The following PON3 variants were observed in gnomAD, a reference collection of about 807,000 sequenced individuals.
The protein encoded by PON3 is serum paraoxonase/lactonase 3.
Under a neutral mutation model 36.3 loss-of-function variants are expected in PON3, and 37 were observed. The ratio of observed to expected loss-of-function variants is 1.02; its 90% CI spans 0.78 to 1.34. PON3 has a LOEUF of 1.34. Among genes scored for constraint, PON3 ranks in the 40% most tolerant of loss-of-function variants. The pLI is 0.00. For synonymous variants in PON3, 155 were observed against 154.8 expected (o/e 1.00, Z -0.01); for missense variants, 415 against 426.5 (o/e 0.97, Z 0.24).
At chr7:95,361,651 A>T (rs1808571972) in intron 8 of PON3, among the ~76,000 whole-genome samples, 1 of 152,122 alleles carries the variant, frequency 6.6e-6, no homozygotes, top group Admixed American at 6.5e-5. Flanking sequence ...TTTCTGATAT[A>T]TCCTAAACAT....
chr7:95,374,626 A>G (rs768452878), intron 3 of PON3, among the ~76,000 whole-genome samples: 7 of 152,012 alleles, frequency 4.6e-5, no homozygotes, highest in Non-Finnish European at 1.0e-4. Flanking sequence ...AACTGCTCCA[A>G]CTCTCAATTC....
At chr7:95,371,585 T>G (rs1256954758) in intron 4 of PON3, among the ~76,000 whole-genome samples, 3 of 152,208 alleles carry the variant, frequency 2.0e-5, no homozygotes, top group Non-Finnish European at 4.4e-5. Context: ...CAGGCCTTTG[T>G]GTATCTTAGG....
Position 95,396,267 on chromosome 7 carries a change from T to C in PON3, c.74+10A>G, listed in dbSNP as rs1483099192. 2 of 1,613,778 alleles carry C rather than the reference T, an allele frequency of 1.2e-6. No homozygotes were observed. Among genetic ancestry groups the C allele is most frequent in the Non-Finnish European group, 1.7e-6 (2 of 1,179,846 alleles). On this transcript the variant is annotated intron_variant, in intron 1 of 8. Transcript: ENST00000265627. The stretch of plus-strand genomic sequence containing the variant: ...GAGAGTCGAAGACGCCCTGTCAAGA[T>C]GCCACTCACCTAAACGCCAGGAACA...
intron 3 of PON3, among the ~76,000 whole-genome samples, chr7:95,382,724 CA>C (rs1281687527): frequency 2.6e-5 from 4 of 151,990 alleles, no homozygotes; most frequent in Non-Finnish European, 5.9e-5. Context: ...GCTTACCAAC[CA>C]AAAAAAGTCC....
chr7:95,368,814 CAAAAA>C (rs11388951), intron 4 of PON3, among the ~76,000 whole-genome samples: 1 of 133,112 alleles, frequency 7.5e-6, no homozygotes, highest in African/African-American at 2.8e-5. Flanking sequence ...CAAAAACAAA[CAAAAA>C]AAAAAAAAAG....
intron 3 of PON3, among the ~76,000 whole-genome samples, chr7:95,380,546 G>A (rs535421505): frequency 4.4e-4 from 67 of 152,314 alleles, no homozygotes; most frequent in African/African-American, 1.5e-3. Context: ...TGAGAACTAC[G>A]TGATGAATGC....
Position 95,372,203 on chromosome 7 carries a change from G to T in PON3, c.337C>A (p.Pro113Thr), listed in dbSNP as rs148345439. The T allele has an allele frequency of 3.5e-5, 57 of 1,613,688 alleles. No homozygotes were observed. The African/African-American group carries it at 6.7e-4, about 19-fold the overall frequency. ...SGGFDKELFN[P>T]HGISIFIDKD... ...TCGATGAAAATACTGATCCCATGTGGATTAAATAATTCTTTGTCAAATCCA... is the reference window on the plus strand; with the variant it reads ...TCGATGAAAATACTGATCCCATGTGTATTAAATAATTCTTTGTCAAATCCA... The change falls in exon 4 of 9, where the codon CCA becomes ACA. Residue 113 changes from proline to threonine, a missense_variant. Transcript: ENST00000265627.
chr7:95,379,345 AGACAGTGGGTGCAG>A (rs972061068), intron 3 of PON3, among the ~76,000 whole-genome samples: 3 of 152,240 alleles, frequency 2.0e-5, no homozygotes, highest in Non-Finnish European at 2.9e-5. Flanking sequence ...GGGGCTTGTC[AGACAGTGGGTGCAG>A]GACAGTGGGT....
chr7:95,386,406 C>A (rs1428056928), intron 3 of PON3, among the ~76,000 whole-genome samples: 4 of 152,164 alleles, frequency 2.6e-5, no homozygotes, highest in Non-Finnish European at 5.9e-5. Flanking sequence ...TTCCTCGACA[C>A]ATACATCCTC....
At chr7:95,378,230 G>A (rs1027439065) in intron 3 of PON3, among the ~76,000 whole-genome samples, 32 of 152,188 alleles carry the variant, frequency 2.1e-4, no homozygotes, top group African/African-American at 6.8e-4. Context: ...AACGAACAAA[G>A]CCTCCAAGAA....
At chr7:95,378,239 A>G (rs546178520) in intron 3 of PON3, among the ~76,000 whole-genome samples, 1 of 152,326 alleles carries the variant, frequency 6.6e-6, no homozygotes, top group East Asian at 1.9e-4. Flanking sequence ...AGCCTCCAAG[A>G]AATATGGGAC....
chr7:95,383,196 C>T (rs1333228432), intron 3 of PON3, among the ~76,000 whole-genome samples: 1 of 152,128 alleles, frequency 6.6e-6, no homozygotes, highest in Admixed American at 6.6e-5. Context: ...ATTGATGGGA[C>T]ATATCTCAAA....
At chr7:95,394,492 G>C (rs17882874) in intron 2 of PON3, 152 bp downstream of exon 2, 12,252 of 699,274 alleles carry the variant, frequency 0.018, 219 homozygotes, top group African/African-American at 0.063. Flanking sequence ...GTACACCCCT[G>C]AAGACCTTGC....
chr7:95,362,244 C>T (rs563262308), intron 8 of PON3, 118 bp downstream of exon 8: 196 of 1,351,894 alleles, frequency 1.4e-4, no homozygotes, highest in Middle Eastern at 5.4e-4. Flanking sequence ...TTTTCTCATA[C>T]GTAAAATTTC....
chr7:95,385,487 A>ACTG (rs1174754123), intron 3 of PON3, among the ~76,000 whole-genome samples: 1 of 152,096 alleles, frequency 6.6e-6, no homozygotes. Flanking sequence ...TTAACACCCC[A>ACTG]CTGTCAATAT....
chr7:95,390,287 ATCTTTTGGAAACT>A, intron 2 of PON3, 78 bp from the exon 3 acceptor site: 1 of 1,145,488 alleles, frequency 8.7e-7, no homozygotes, highest in Non-Finnish European at 1.3e-6. Flanking sequence ...AACTACAAAT[ATCTTTTGGAAACT>A]TCTTTTGGAA....
chr7:95,373,857 G>A (rs944190451), intron 3 of PON3, among the ~76,000 whole-genome samples: 1 of 152,128 alleles, frequency 6.6e-6, no homozygotes, highest in Non-Finnish European at 1.5e-5. Flanking sequence ...ACTGGTACCT[G>A]TCCGTAGCCT....
intron 3 of PON3, among the ~76,000 whole-genome samples, chr7:95,382,308 C>T (rs112658945): frequency 0.027 from 4,148 of 152,126 alleles, 108 homozygotes; most frequent in African/African-American, 0.066. Context: ...GAATCCAGAG[C>T]AAACACATTC....
chr7:95,392,804 T>G (rs1410237418), intron 2 of PON3, among the ~76,000 whole-genome samples: 1 of 152,232 alleles, frequency 6.6e-6, no homozygotes, highest in African/African-American at 2.4e-5. Flanking sequence ...ATGTAATGCA[T>G]TGACACAAGG....
Sources: gnomAD v4.1 joint callset for allele counts (sites outside exome capture counted in the v4.1 genomes callset) on GRCh38, gnomAD v4.1.1 for gene constraint, MANE v1.5 for transcripts, NCBI Gene and HGNC (gene_info 2026-07-23, HGNC 2026-07-21) for gene names.